Variants in CUEDC1 observed in about 807,000 individuals in gnomAD.
CUEDC1 encodes the protein CUE domain-containing protein 1.
In CUEDC1, 30 loss-of-function variants were observed where a neutral mutation model predicts 43.7. That is an observed-to-expected ratio of 0.69 (90% CI 0.51 to 0.93). The LOEUF is 0.93. CUEDC1 is among the 40% of genes least tolerant of loss of function. The probability of loss-of-function intolerance (pLI) is 0.00; values close to 1 mark genes in which losing one functional copy is unlikely to be tolerated. For missense variants in CUEDC1, 486 were observed against 549.0 expected, an observed-to-expected ratio of 0.89 and a Z score of 1.15; for synonymous variants, 223 against 223.6, an observed-to-expected ratio of 1.00 and a Z score of 0.02.
chr17:57,917,999 T>C (rs1044972031), intron 1 of CUEDC1, among the ~76,000 whole-genome samples: 1 of 151,698 alleles, frequency 6.6e-6, no homozygotes, highest in African/African-American at 2.4e-5. Context: ...GTGGCATCGT[T>C]AGAGTGTGAG....
At chr17:57,879,845 G>A in intron 2 of CUEDC1, 107 bp from the exon 3 acceptor site, 1 of 1,158,506 alleles carries the variant, frequency 8.6e-7, no homozygotes, top group Non-Finnish European at 1.2e-6. Flanking sequence ...AAGGAACTCT[G>A]TGTGTTGCTA....
chr17:57,920,716 C>G (rs377229675), intron 1 of CUEDC1, among the ~76,000 whole-genome samples: 1 of 151,070 alleles, frequency 6.6e-6, no homozygotes, highest in Admixed American at 6.6e-5. Context: ...ACTGCAAACT[C>G]CACCTCCTGG....
At chr17:57,867,672 G>A (rs573524423) in intron 8 of CUEDC1, 40 of 572,546 alleles carry the variant, frequency 7.0e-5, no homozygotes, top group Middle Eastern at 4.6e-4. Flanking sequence ...TCTGGCTGCT[G>A]AGCCTCTGCT....
intron 1 of CUEDC1, among the ~76,000 whole-genome samples, chr17:57,946,564 T>A (rs1390298809): frequency 1.3e-5 from 2 of 152,084 alleles, no homozygotes; most frequent in Non-Finnish European, 2.9e-5. Flanking sequence ...TTTTTTTTTT[T>A]AAAGGAAACT....
intron 1 of CUEDC1, among the ~76,000 whole-genome samples, chr17:57,916,416 G>C (rs2074641584): frequency 6.6e-6 from 1 of 152,234 alleles, no homozygotes; most frequent in Non-Finnish European, 1.5e-5. Flanking sequence ...AGAGAGGGGA[G>C]GGGGTGGAGA....
intron 1 of CUEDC1, among the ~76,000 whole-genome samples, chr17:57,935,879 C>T (rs2074856948): frequency 6.6e-6 from 1 of 152,138 alleles, no homozygotes; most frequent in African/African-American, 2.4e-5. Flanking sequence ...AAACATAATC[C>T]TGGAGAGACT....
At chr17:57,920,303 C>T (rs959378114) in intron 1 of CUEDC1, among the ~76,000 whole-genome samples, 4 of 152,198 alleles carry the variant, frequency 2.6e-5, no homozygotes, top group Non-Finnish European at 5.9e-5. Flanking sequence ...ATGAGGGATT[C>T]ATATGCACAT....
intron 1 of CUEDC1, among the ~76,000 whole-genome samples, chr17:57,901,677 C>G (rs942601218): frequency 1.3e-5 from 2 of 152,228 alleles, no homozygotes; most frequent in Admixed American, 6.5e-5. Flanking sequence ...TGCTCCCCTT[C>G]TCCCAACACA....
chr17:57,945,325 A>G (rs1409405145), intron 1 of CUEDC1, among the ~76,000 whole-genome samples: 1 of 152,260 alleles, frequency 6.6e-6, no homozygotes, highest in Admixed American at 6.5e-5. Flanking sequence ...TCTAGCATTC[A>G]GGAAACCTTT....
chr17:57,905,259 C>T (rs1367395951), intron 1 of CUEDC1, among the ~76,000 whole-genome samples: 3 of 144,920 alleles, frequency 2.1e-5, no homozygotes, highest in Non-Finnish European at 4.6e-5. Context: ...GACACACACA[C>T]ACACACACAC....
rs78548749 is a variant in CUEDC1, at chr17:57,881,990, A to G, written c.337-2252T>C. 3.9e-3 allele frequency among the ~76,000 whole-genome samples: 600 copies of G among 152,142 alleles called. 1 individual carries two copies. Among genetic ancestry groups the G allele is most frequent in the Non-Finnish European group, 7.1e-3 (485 of 67,986 alleles). On this transcript the variant is annotated intron_variant, in intron 2 of 10. Transcript: ENST00000577830. ...TCTCCCTCCCACTGCCACCGCCACA[A>G]AGAGGTTGTTCTTCTGGCTCTAAAG... is the stretch of plus-strand genomic sequence containing the variant.
chr17:57,939,917 G>A (rs971158123), intron 1 of CUEDC1, among the ~76,000 whole-genome samples: 1 of 152,086 alleles, frequency 6.6e-6, no homozygotes, highest in Non-Finnish European at 1.5e-5. Flanking sequence ...GAACAGCTGC[G>A]TCAGCCACCC....
At chr17:57,874,538 C>T (rs1184549975) in intron 3 of CUEDC1, among the ~76,000 whole-genome samples, 2 of 152,160 alleles carry the variant, frequency 1.3e-5, no homozygotes, top group Non-Finnish European at 2.9e-5. Flanking sequence ...TGGCACACAC[C>T]CTCCCTGACC....
At chr17:57,865,374 G>A (rs1175993141) in intron 10 of CUEDC1, among the ~76,000 whole-genome samples, 1 of 152,132 alleles carries the variant, frequency 6.6e-6, no homozygotes, top group African/African-American at 2.4e-5. Context: ...GAGAGGAGAG[G>A]GCACTTGTAT....
intron 2 of CUEDC1, among the ~76,000 whole-genome samples, chr17:57,882,469 G>GA (rs1271636480): frequency 6.6e-6 from 1 of 152,164 alleles, no homozygotes; most frequent in Non-Finnish European, 1.5e-5. Context: ...GGACAAAGGA[G>GA]AAAATACTAC....
intron 1 of CUEDC1, among the ~76,000 whole-genome samples, chr17:57,894,967 T>C (rs2144989980): frequency 6.6e-6 from 1 of 152,340 alleles, no homozygotes; most frequent in South Asian, 2.1e-4. Flanking sequence ...AGATCCAAGA[T>C]GAGGCTTCTC....
At chr17:57,932,511 G>A (rs2074816258) in intron 1 of CUEDC1, among the ~76,000 whole-genome samples, 1 of 143,644 alleles carries the variant, frequency 7.0e-6, no homozygotes, top group Non-Finnish European at 1.5e-5. Flanking sequence ...TGTGAACCCA[G>A]GAGGCAGAGC....
At chr17:57,939,740 C>T (rs2074898926) in intron 1 of CUEDC1, among the ~76,000 whole-genome samples, 1 of 152,104 alleles carries the variant, frequency 6.6e-6, no homozygotes, top group Admixed American at 6.5e-5. Flanking sequence ...CCACACAAGC[C>T]CATCAGACTC....
At chr17:57,886,169 C>T (rs1737359470) in intron 1 of CUEDC1, among the ~76,000 whole-genome samples, 2 of 152,220 alleles carry the variant, frequency 1.3e-5, no homozygotes, top group South Asian at 4.1e-4. Flanking sequence ...TGCTAGTATG[C>T]CCATGTTGCA....
Sources: allele counts gnomAD v4.1 joint callset (sites outside exome capture counted in the v4.1 genomes callset), GRCh38; gene constraint gnomAD v4.1.1; transcripts MANE v1.5; gene names NCBI Gene and HGNC (gene_info 2026-07-23, HGNC 2026-07-21).